The following TANGO6 variants were observed in gnomAD, a reference collection of about 807,000 sequenced individuals.
TANGO6 encodes the protein transport and golgi organization 6 homolog, also known as transport and Golgi organization protein 6 homolog.
TANGO6 carries 90 observed loss-of-function variants against 114.2 expected under a neutral mutation model. The observed-to-expected ratio is 0.79, with a 90% CI of 0.66 to 0.94. The LOEUF (loss-of-function observed/expected upper bound fraction) is 0.94. Among genes scored for constraint, TANGO6 ranks in the 40% least tolerant of loss-of-function variants. The pLI is 0.00. For synonymous variants in TANGO6, 477 were observed against 509.8 expected (o/e 0.94, Z 0.87); for missense variants, 1,274 against 1,315.3 (o/e 0.97, Z 0.49).
intron 1 of TANGO6, among the ~76,000 whole-genome samples, chr16:68,853,315 C>T (rs1314935933): frequency 1.3e-5 from 2 of 151,442 alleles, no homozygotes; most frequent in African/African-American, 2.4e-5. Context: ...TCATTGAAAC[C>T]CCTGTCAAGA....
intron 15 of TANGO6, among the ~76,000 whole-genome samples, chr16:69,019,591 C>G (rs558411106): frequency 2.2e-4 from 34 of 152,230 alleles, no homozygotes; most frequent in Non-Finnish European, 3.4e-4. Flanking sequence ...TGCTTTCGAG[C>G]AACCTCTGCT....
At chr16:68,908,872 T>C (rs1962886511) in intron 10 of TANGO6, among the ~76,000 whole-genome samples, 1 of 152,254 alleles carries the variant, frequency 6.6e-6, no homozygotes, top group South Asian at 2.1e-4. Flanking sequence ...TGTTTTATTA[T>C]GAGATTTTAG....
rs1167660594 is a variant in TANGO6, at chr16:68,907,438, TG to T, written c.1668-4del. The stretch of plus-strand genomic sequence containing the variant: ...TACCAAGATAAATTTTACCCTGCAT[TG>T]CAGTGATGAAGATGAAGATGAAGCC... On this transcript the variant is annotated splice_polypyrimidine_tract_variant and splice_region_variant and intron_variant, in intron 9 of 17. Transcript: ENST00000261778. 1 of 1,590,380 alleles carries T rather than the reference TG, an allele frequency of 6.3e-7. No homozygotes were observed. Among genetic ancestry groups the T allele is most frequent in the South Asian group, 1.2e-5 (1 of 86,770 alleles).
At position 68,907,540 on chromosome 16, in the gene TANGO6, G is replaced by T; in HGVS notation, c.1765G>T (p.Gly589Cys). The change falls in exon 10 of 18, where the codon GGT becomes TGT. Residue 589 changes from glycine (G) to cysteine (C), a missense_variant. By Grantham distance (159) the Gly-to-Cys change is radical. Transcript: ENST00000261778. ...GDLLSHCQEC[G>C]LAGDFFIFCL... is the part of the protein sequence containing the mutation. ...CTTGCTGTCCCACTGCCAGGAATGCGGTTTGGCAGGAGACTTCTTCATCTT... is the reference window on the plus strand; with the variant it reads ...CTTGCTGTCCCACTGCCAGGAATGCTGTTTGGCAGGAGACTTCTTCATCTT... 1 of 1,613,624 alleles carries T rather than the reference G, an allele frequency of 6.2e-7. No individual in the cohort carries two copies. The highest frequency in any genetic ancestry group is 1.1e-5 in the South Asian group (1 of 91,028).
At chr16:68,939,425 T>C (rs1220445386) in intron 14 of TANGO6, among the ~76,000 whole-genome samples, 1 of 152,082 alleles carries the variant, frequency 6.6e-6, no homozygotes, top group African/African-American at 2.4e-5. Context: ...GGAAACTGGG[T>C]GAGACCTGTA....
chr16:68,867,288 A>T, intron 4 of TANGO6, 68 bp downstream of exon 4: 1 of 1,594,852 alleles, frequency 6.3e-7, no homozygotes, highest in East Asian at 2.2e-5. Context: ...GAGGTGAATT[A>T]TTGGTCTTTA....
chr16:68,921,898 A>G (rs1367325385), intron 12 of TANGO6, among the ~76,000 whole-genome samples: 1 of 151,390 alleles, frequency 6.6e-6, no homozygotes, highest in African/African-American at 2.4e-5. Context: ...CACCCCCTAT[A>G]CCTTTGCCCT....
chr16:69,073,247 A>G (rs1960322595), intron 17 of TANGO6, among the ~76,000 whole-genome samples: 1 of 152,172 alleles, frequency 6.6e-6, no homozygotes, highest in Non-Finnish European at 1.5e-5. Context: ...AAGTTCCCCC[A>G]AGCCATTTCC....
At chr16:68,881,753 T>A (rs932495055) in intron 7 of TANGO6, among the ~76,000 whole-genome samples, 6 of 152,216 alleles carry the variant, frequency 3.9e-5, no homozygotes, top group Non-Finnish European at 7.3e-5. Flanking sequence ...GTTATGTTCT[T>A]TATTATCACA....
In TANGO6 at chr16:68,922,162, G is replaced by A. The variant is rs549619900; in HGVS notation, c.2127+2943G>A. On this transcript the variant is annotated intron_variant, in intron 12 of 17. Transcript: ENST00000261778. ...ATTTATGTAATCAAAGTGATTATTA[G>A]AACATTGTGTCTGGGAAGAGGAGTT... Among the ~76,000 whole-genome samples, 15 of 151,296 alleles carry A rather than the reference G, an allele frequency of 9.9e-5. No individual in the cohort carries two copies. In the East Asian group the frequency reaches 2.9e-3, roughly 29 times the overall value.
intron 12 of TANGO6, among the ~76,000 whole-genome samples, chr16:68,925,605 C>T (rs1963156782): frequency 6.6e-6 from 1 of 152,082 alleles, no homozygotes; most frequent in Non-Finnish European, 1.5e-5. Flanking sequence ...AGCAGACATT[C>T]TTAATTTTAA....
intron 14 of TANGO6, among the ~76,000 whole-genome samples, chr16:68,954,350 A>T (rs1018182828): frequency 3.3e-5 from 5 of 151,938 alleles, no homozygotes; most frequent in Admixed American, 6.6e-5. Context: ...CAAGAACTGC[A>T]TGAACGCCTG....
intron 15 of TANGO6, among the ~76,000 whole-genome samples, chr16:69,003,246 A>G (rs1336963252): frequency 3.9e-5 from 6 of 152,216 alleles, no homozygotes; most frequent in African/African-American, 7.2e-5. Flanking sequence ...TATAAGATCT[A>G]GAATCACACC....
chr16:68,906,044 G>A (rs559664249), intron 9 of TANGO6, among the ~76,000 whole-genome samples: 14 of 152,040 alleles, frequency 9.2e-5, no homozygotes, highest in African/African-American at 3.1e-4. Flanking sequence ...GCTGGGCATG[G>A]TGGTGGGCGC....
chr16:68,878,688 T>C lies in TANGO6; in HGVS notation c.1294+408T>C, dbSNP rs1056016570. On this transcript the variant is annotated intron_variant, in intron 6 of 17. Transcript: ENST00000261778. ...CAGGAAATTTAACATTTATACAATA[T>C]GCTTTGATATAATATACAAATTCCA... is the stretch of plus-strand genomic sequence containing the variant. 5.3e-5 allele frequency among the ~76,000 whole-genome samples: 8 copies of C among 152,338 alleles called. No individual in the cohort carries two copies. The East Asian group carries it at 5.8e-4, about 11-fold the overall frequency.
chr16:68,988,637 T>C (rs1238965980), intron 15 of TANGO6, among the ~76,000 whole-genome samples: 1 of 152,124 alleles, frequency 6.6e-6, no homozygotes, highest in Non-Finnish European at 1.5e-5. Context: ...CCTGTTTCAA[T>C]TTTTCAATTT....
chr16:68,913,995 G>A (rs1962964600), intron 11 of TANGO6, among the ~76,000 whole-genome samples: 1 of 152,020 alleles, frequency 6.6e-6, no homozygotes, highest in South Asian at 2.1e-4. Flanking sequence ...AAAATAGGAG[G>A]TATAAATTGA....
At chr16:68,949,685 G>C (rs61623021) in intron 14 of TANGO6, among the ~76,000 whole-genome samples, 1 of 151,760 alleles carries the variant, frequency 6.6e-6, no homozygotes, top group African/African-American at 2.4e-5. Context: ...AAATGTTGCC[G>C]GTAGAAATGT....
intron 15 of TANGO6, among the ~76,000 whole-genome samples, chr16:68,974,944 G>T (rs1963748378): frequency 6.6e-6 from 1 of 151,952 alleles, no homozygotes; most frequent in Non-Finnish European, 1.5e-5. Flanking sequence ...TGTAGTCCCA[G>T]CTACTCAGGA....
Sources: allele counts gnomAD v4.1 joint callset (sites outside exome capture counted in the v4.1 genomes callset), GRCh38; gene constraint gnomAD v4.1.1; transcripts MANE v1.5; gene names NCBI Gene and HGNC (gene_info 2026-07-23, HGNC 2026-07-21).